The following LRP6 variants were observed in gnomAD, a reference collection of about 807,000 sequenced individuals.
LRP6 encodes LDL receptor related protein 6.
LRP6 carries 43 observed loss-of-function variants against 184.1 expected under a neutral mutation model. That is an observed-to-expected ratio of 0.23 (90% CI 0.18 to 0.30). The LOEUF is 0.30. Among genes scored for constraint, LRP6 ranks in the 10% least tolerant of loss-of-function variants. The pLI is 1.00. For synonymous variants in LRP6, 719 were observed against 684.9 expected (o/e 1.05, Z -0.78); for missense variants, 1,571 against 2,005.3 (o/e 0.78, Z 4.14).
Position 12,181,334 on chromosome 12 carries a change from T to C in LRP6, c.1082A>G (p.His361Arg), listed in dbSNP as rs746010198. ...AGGATCGTAATCTATGGCAATGGCA[T>C]GACGGATGTCTTCTAACTGCAGAAC... ...DIVLQLEDIR[H>R]AIAIDYDPVE... The change falls in exon 6 of 23, where the codon CAT becomes CGT. Residue 361 changes from histidine (H) to arginine (R), a missense_variant. This residue lies in a region of LRP6 where 640 missense variants were observed against 851.9 expected (regional missense o/e 0.75). Transcript: ENST00000261349. 6.2e-7 allele frequency: 1 copy of C among 1,613,962 alleles called. No homozygotes were observed. The highest frequency in any genetic ancestry group is 1.3e-5 in the African/African-American group (1 of 74,936).
chr12:12,256,564 T>C (rs1314140796), intron 1 of LRP6, among the ~76,000 whole-genome samples: 1 of 151,730 alleles, frequency 6.6e-6, no homozygotes, highest in South Asian at 2.1e-4. Flanking sequence ...TCCCAGCACT[T>C]TGGGAGCCAA....
chr12:12,129,401 G>A (rs1313512714), intron 19 of LRP6, among the ~76,000 whole-genome samples: 1 of 152,132 alleles, frequency 6.6e-6, no homozygotes, highest in African/African-American at 2.4e-5. Flanking sequence ...CCCCTCAACA[G>A]AGCCTGTATT....
intron 2 of LRP6, among the ~76,000 whole-genome samples, chr12:12,230,684 T>C (rs1388186789): frequency 6.6e-6 from 1 of 152,210 alleles, no homozygotes; most frequent in African/African-American, 2.4e-5. Context: ...TTTTAAAACA[T>C]GTAAGTCAGA....
At position 12,217,864 on chromosome 12, in the gene LRP6, C is replaced by T. The variant is rs144004298; in HGVS notation, c.450-14464G>A. ...ACAATGAAGCTGGACCTCTAAAGGA[C>T]ATACAGAAATTAATTCAAAAACGAT... On this transcript the variant is annotated intron_variant, in intron 2 of 22. Coordinates refer to ENST00000261349, the MANE Select transcript of LRP6 (RefSeq NM_002336.3). Among the ~76,000 whole-genome samples the T allele has an allele frequency of 1.9e-3, 295 of 152,186 alleles. 4 individuals are homozygous for T. The highest frequency in any genetic ancestry group is 6.7e-3 in the African/African-American group (280 of 41,514).
At chr12:12,210,507 GTAAA>G (rs1864181067) in intron 2 of LRP6, among the ~76,000 whole-genome samples, 1 of 152,144 alleles carries the variant, frequency 6.6e-6, no homozygotes, top group South Asian at 2.1e-4. Flanking sequence ...GTTAGAAAAG[GTAAA>G]TAAAGTAAAA....
At chr12:12,196,739 G>GT (rs1863773457) in intron 3 of LRP6, among the ~76,000 whole-genome samples, 1 of 152,008 alleles carries the variant, frequency 6.6e-6, no homozygotes, top group Non-Finnish European at 1.5e-5. Flanking sequence ...TCTGTCCTCT[G>GT]TATTTCCTAC....
chr12:12,249,101 C>A, intron 1 of LRP6: 1 of 705,970 alleles, frequency 1.4e-6, no homozygotes, highest in East Asian at 2.5e-5. Context: ...GAGGTCTAGA[C>A]AATGATAAAG....
At chr12:12,205,494 G>A (rs1864034995) in intron 2 of LRP6, among the ~76,000 whole-genome samples, 1 of 152,136 alleles carries the variant, frequency 6.6e-6, no homozygotes, top group African/African-American at 2.4e-5. Context: ...GCATACTGAT[G>A]TCTCCACTAT....
intron 12 of LRP6, 91 bp downstream of exon 12, chr12:12,158,738 C>T (rs1862661385): frequency 7.8e-7 from 1 of 1,278,164 alleles, no homozygotes; most frequent in Admixed American, 1.7e-5. Flanking sequence ...GATTTCCACA[C>T]TATTTAACTT....
intron 12 of LRP6, among the ~76,000 whole-genome samples, chr12:12,152,396 C>T (rs1038994431): frequency 1.3e-5 from 2 of 152,320 alleles, no homozygotes; most frequent in Admixed American, 1.3e-4. Flanking sequence ...AAGCGATTCT[C>T]CTGCCTCAGC....
chr12:12,161,577 C>T (rs1407983180), intron 10 of LRP6, among the ~76,000 whole-genome samples: 4 of 152,148 alleles, frequency 2.6e-5, no homozygotes, highest in South Asian at 2.1e-4. Context: ...GGCCTGTTGA[C>T]TTCTTTTATA....
chr12:12,205,685 T>C (rs1864039154), intron 2 of LRP6, among the ~76,000 whole-genome samples: 1 of 152,336 alleles, frequency 6.6e-6, no homozygotes. Flanking sequence ...AACTGAGAAA[T>C]GTAAGCACAT....
At position 12,168,569 on chromosome 12, in the gene LRP6, A is replaced by C. The variant is rs147665318; in HGVS notation, c.1546-3274T>G. 1.5e-3 allele frequency among the ~76,000 whole-genome samples: 222 copies of C among 152,368 alleles called. 1 individual carries two copies. Among genetic ancestry groups the C allele is most frequent in the African/African-American group, 5.1e-3 (211 of 41,590 alleles). ...AGGATAAGGAGAATTACAGAAAGCA[A>C]GAAGGTTCTGAAAGCACTTTAAGCA... On this transcript the variant is annotated intron_variant, in intron 7 of 22. Coordinates refer to ENST00000261349, the MANE Select transcript of LRP6 (RefSeq NM_002336.3).
chr12:12,229,054 A>T (rs1377548864), intron 2 of LRP6, among the ~76,000 whole-genome samples: 1 of 152,208 alleles, frequency 6.6e-6, no homozygotes, highest in East Asian at 1.9e-4. Context: ...GATATGACAC[A>T]AACATTTTCT....
At chr12:12,204,114 G>A (rs1186067212) in intron 2 of LRP6, among the ~76,000 whole-genome samples, 1 of 152,076 alleles carries the variant, frequency 6.6e-6, no homozygotes, top group Non-Finnish European at 1.5e-5. Flanking sequence ...CTCTTCATGT[G>A]ATATACCTTT....
chr12:12,244,730 C>T (rs189919233), intron 1 of LRP6, 75 bp from the exon 2 acceptor site: 14 of 1,431,438 alleles, frequency 9.8e-6, no homozygotes, highest in Admixed American at 9.7e-5. Flanking sequence ...CGTTTCAAAT[C>T]GGTTTAAGTG....
chr12:12,183,388 A>T (rs1863391176), intron 5 of LRP6, among the ~76,000 whole-genome samples: 1 of 152,158 alleles, frequency 6.6e-6, no homozygotes. Context: ...AAATGTCCTA[A>T]ATCAGTATAC....
At chr12:12,242,036 T>C (rs1865079381) in intron 2 of LRP6, among the ~76,000 whole-genome samples, 1 of 152,224 alleles carries the variant, frequency 6.6e-6, no homozygotes, top group Non-Finnish European at 1.5e-5. Context: ...ATTTACTCAC[T>C]GAACTGTTAG....
intron 1 of LRP6, among the ~76,000 whole-genome samples, chr12:12,252,407 C>T (rs746113071): frequency 2.6e-5 from 4 of 152,112 alleles, no homozygotes; most frequent in Admixed American, 6.6e-5. Flanking sequence ...TTTGATCAAA[C>T]GTTATGGGTC....
Sources: gnomAD v4.1 joint callset for allele counts (sites outside exome capture counted in the v4.1 genomes callset) on GRCh38, gnomAD v4.1.1 for gene constraint, gnomAD v4.1.1 regional missense constraint, MANE v1.5 for transcripts, NCBI Gene and HGNC (gene_info 2026-07-23, HGNC 2026-07-21) for gene names.